Variants in ANO3 observed in about 807,000 individuals in gnomAD.
ANO3 encodes anoctamin 3.
A neutral mutation model predicts 144.8 loss-of-function variants in ANO3; 99 were observed. That is an observed-to-expected ratio of 0.68 (90% CI 0.58 to 0.81). The LOEUF is 0.81. Among genes scored for constraint, ANO3 ranks in the 30% least tolerant of loss-of-function variants. The probability of loss-of-function intolerance (pLI) is 0.00; values close to 1 mark genes in which losing one functional copy is unlikely to be tolerated. For missense variants in ANO3, 905 were observed against 1,202.2 expected, an observed-to-expected ratio of 0.75 and a Z score of 3.66; for synonymous variants, 414 against 392.6, an observed-to-expected ratio of 1.05 and a Z score of -0.64.
At chr11:26,451,565 G>A (rs1433288643) in intron 3 of ANO3, among the ~76,000 whole-genome samples, 2 of 152,198 alleles carry the variant, frequency 1.3e-5, no homozygotes, top group Non-Finnish European at 1.5e-5. Flanking sequence ...GCTTGCTTAG[G>A]TAAACAAAGC....
intron 4 of ANO3, among the ~76,000 whole-genome samples, chr11:26,482,858 C>G (rs1051038431): frequency 2.0e-5 from 3 of 152,098 alleles, no homozygotes; most frequent in Non-Finnish European, 4.4e-5. Context: ...TTGATTTTGT[C>G]TGTCTGAGTT....
chr11:26,204,416 A>C (rs1287772598), intron 1 of ANO3, among the ~76,000 whole-genome samples: 1 of 152,134 alleles, frequency 6.6e-6, no homozygotes, highest in Non-Finnish European at 1.5e-5. Flanking sequence ...CATCATGAGG[A>C]CACCTCCAAC....
At chr11:26,398,297 T>C (rs915613735) in intron 1 of ANO3, among the ~76,000 whole-genome samples, 7 of 152,014 alleles carry the variant, frequency 4.6e-5, no homozygotes, top group African/African-American at 1.7e-4. Context: ...AATAATGAAC[T>C]CACAGCCAGC....
At chr11:26,595,851 C>T (rs190259230) in intron 14 of ANO3, among the ~76,000 whole-genome samples, 4 of 152,280 alleles carry the variant, frequency 2.6e-5, no homozygotes, top group Non-Finnish European at 4.4e-5. Context: ...TAGGATAGCT[C>T]TGAACTGGTG....
intron 3 of ANO3, among the ~76,000 whole-genome samples, chr11:26,449,622 T>C (rs1406968883): frequency 6.6e-6 from 1 of 152,152 alleles, no homozygotes; most frequent in Non-Finnish European, 1.5e-5. Flanking sequence ...TATGAGTTAG[T>C]GCTTTGTTAA....
At position 26,530,321 on chromosome 11, in the gene ANO3, T is replaced by C. The variant is rs181268228; in HGVS notation, c.738-884T>C. 2.0e-4 allele frequency among the ~76,000 whole-genome samples: 30 copies of C among 152,296 alleles called. No individual in the cohort carries two copies. In the East Asian group the frequency reaches 4.6e-3, roughly 24 times the overall value. ...GTTTTGCTTGACTTTAAAATTTTGC[T>C]GTCTACCACACTTATGACTTCCAGT... On this transcript the variant is annotated intron_variant, in intron 7 of 26. Transcript: ENST00000256737.
chr11:26,482,551 A>T (rs1860265038), intron 4 of ANO3, among the ~76,000 whole-genome samples: 1 of 151,910 alleles, frequency 6.6e-6, no homozygotes, highest in African/African-American at 2.4e-5. Context: ...CATAATATAT[A>T]TAATAGAGTT....
chr11:26,300,038 T>C lies in ANO3; in HGVS notation c.155-9607T>C, dbSNP rs552885448. Among the ~76,000 whole-genome samples, 11 of 152,236 alleles carry C rather than the reference T, an allele frequency of 7.2e-5. No homozygotes were observed. The East Asian group carries it at 1.9e-3, about 27-fold the overall frequency. On this transcript the variant is annotated intron_variant, in intron 1 of 27. Transcript: ENST00000672621. ...AGGAGAGTGGGAGAATAGCTGGACC[T>C]GGGAAAAATATTTTGACTGCTGGGC...
rs746913827 is a variant in ANO3, at chr11:26,341,120, CTT to C, written c.46+8801_46+8802del. ...TTCTCTTCCCCTTTCCTTCCTCTCTCTTTCTTTCTTTTCTTTCTTCTTTCTTT... is the reference window on the plus strand; with the variant it reads ...TTCTCTTCCCCTTTCCTTCCTCTCTCTCTTTCTTTTCTTTCTTCTTTCTTT... On this transcript the variant is annotated intron_variant, in intron 1 of 26. Transcript: ENST00000256737. Among the ~76,000 whole-genome samples the C allele has an allele frequency of 1.9e-4, 29 of 151,042 alleles. 1 individual carries two copies. The highest frequency in any genetic ancestry group is 4.1e-4 in the Non-Finnish European group (28 of 67,810).
At chr11:26,567,701 TTAAAAA>T (rs1183693229) in intron 14 of ANO3, among the ~76,000 whole-genome samples, 1 of 152,016 alleles carries the variant, frequency 6.6e-6, no homozygotes, top group East Asian at 1.9e-4. Flanking sequence ...AAAAATCTAC[TTAAAAA>T]TAAAAGCTGG....
chr11:26,391,581 T>G (rs530189889), intron 1 of ANO3, among the ~76,000 whole-genome samples: 1 of 152,270 alleles, frequency 6.6e-6, no homozygotes, highest in Admixed American at 6.5e-5. Flanking sequence ...GTTTTGGCAA[T>G]GGTTTGATAC....
In ANO3 at chr11:26,656,510, T is replaced by C. The variant is rs773741686; in HGVS notation, c.2763+29T>C. On this transcript the variant is annotated intron_variant, in intron 26 of 26. Coordinates refer to ENST00000256737, the MANE Select transcript of ANO3 (RefSeq NM_031418.4). The stretch of plus-strand genomic sequence containing the variant: ...AGTCACAAGCTGAGATGAAAATTAC[T>C]ATAGATAAATGCTTTTCTAAATGAT... The C allele has an allele frequency of 1.1e-5, 15 of 1,342,412 alleles. 1 individual carries two copies. In the South Asian group the frequency reaches 1.8e-4, roughly 16 times the overall value. The allele number at this position is 1,342,412 out of a possible 1,614,324, so 83.2% of individuals were successfully genotyped here. A position where few individuals can be genotyped will look rare whatever the true frequency, so the allele number is the denominator to read the frequency against.
At chr11:26,257,140 C>T (rs1853077411) in intron 1 of ANO3, among the ~76,000 whole-genome samples, 1 of 151,878 alleles carries the variant, frequency 6.6e-6, no homozygotes, top group Admixed American at 6.6e-5. Context: ...TATTTGTTGA[C>T]TAAACTATGC....
intron 1 of ANO3, among the ~76,000 whole-genome samples, chr11:26,380,249 A>G (rs2133949222): frequency 6.6e-6 from 1 of 152,302 alleles, no homozygotes; most frequent in East Asian, 1.9e-4. Flanking sequence ...GCTAGTTATT[A>G]TTCTTATTTT....
At chr11:26,347,303 T>C (rs2133907705) in intron 1 of ANO3, among the ~76,000 whole-genome samples, 1 of 152,336 alleles carries the variant, frequency 6.6e-6, no homozygotes, top group East Asian at 1.9e-4. Context: ...TGGCAGCTAA[T>C]AACTATTTAA....
intron 1 of ANO3, among the ~76,000 whole-genome samples, chr11:26,265,762 C>G (rs1229555849): frequency 1.3e-5 from 2 of 152,114 alleles, no homozygotes; most frequent in Admixed American, 6.5e-5. Flanking sequence ...AACCCTGAAA[C>G]CTGAGTCCAC....
At chr11:26,527,436 G>A (rs1042256755) in intron 7 of ANO3, among the ~76,000 whole-genome samples, 2 of 151,862 alleles carry the variant, frequency 1.3e-5, no homozygotes, top group African/African-American at 4.8e-5. Context: ...TTTATTCTAT[G>A]TCTTTGTGGA....
chr11:26,650,746 A>G (rs886487782), intron 24 of ANO3, among the ~76,000 whole-genome samples: 3 of 152,186 alleles, frequency 2.0e-5, no homozygotes, highest in Admixed American at 6.5e-5. Context: ...CAAAATAGGA[A>G]GTGTGCATAA....
At chr11:26,207,385 G>C (rs923207899) in intron 1 of ANO3, among the ~76,000 whole-genome samples, 1 of 151,956 alleles carries the variant, frequency 6.6e-6, no homozygotes, top group South Asian at 2.1e-4. Flanking sequence ...CTGTACTTAC[G>C]GTCCAATTGC....
Sources: allele counts gnomAD v4.1 joint callset (sites outside exome capture counted in the v4.1 genomes callset), GRCh38; gene constraint gnomAD v4.1.1; transcripts MANE v1.5; gene names NCBI Gene and HGNC (gene_info 2026-07-23, HGNC 2026-07-21).